RAB40A: variants seen among roughly 807,000 people sequenced by gnomAD.
The protein encoded by RAB40A is ras-related protein Rab-40A.
For missense variants in RAB40A, 145 were observed against 230.2 expected (o/e 0.63, Z 2.40); for synonymous variants, 65 against 99.9 (o/e 0.65, Z 2.08).
chrX:103,513,895 A>AAC (rs59511853), intron 2 of RAB40A, among the ~76,000 whole-genome samples: 6,885 of 106,775 alleles, frequency 0.064, 548 homozygotes, highest in African/African-American at 0.21. Context: ...GTCTCAAGAA[A>AAC]ACACACACAC....
rs2073211530 is a variant in RAB40A at position 103,499,850 on chromosome X, C to T, written c.*73G>A. 2 of 1,135,861 alleles carry T rather than the reference C, an allele frequency of 1.8e-6. No homozygotes were observed. Among genetic ancestry groups the T allele is most frequent in the Non-Finnish European group, 2.4e-6 (2 of 826,680 alleles). 93.6% of individuals were successfully genotyped at this position (1,135,861 alleles called of 1,213,427 possible). A position where few individuals can be genotyped will look rare whatever the true frequency, so the allele number is the denominator to read the frequency against. ...AAACTAATTTCTTGAATCTACAATG[C>T]GACTTCCATCTTCCAGGTGTAACCA... On this transcript the variant is annotated 3_prime_UTR_variant, in exon 3 of 3. Coordinates refer to ENST00000304236, the MANE Select transcript of RAB40A (RefSeq NM_080879.3).
rs2073209597 is a variant in RAB40A at position 103,499,582 on chromosome X, A to G, written c.*341T>C. The G allele has an allele frequency of 3.2e-6, 1 of 313,122 alleles. No homozygotes were observed. The highest frequency in any genetic ancestry group is 5.7e-6 in the Non-Finnish European group (1 of 175,395). The allele number at this position is 313,122 out of a possible 1,213,427, so 25.8% of individuals were successfully genotyped here. ...TTATACTCATCATTGCCATATCACC[A>G]TTCTAACAAAGGCGGTTATTTTAAG... On this transcript the variant is annotated 3_prime_UTR_variant, in exon 3 of 3. Coordinates refer to ENST00000304236, the MANE Select transcript of RAB40A (RefSeq NM_080879.3).
intron 2 of RAB40A, among the ~76,000 whole-genome samples, chrX:103,515,463 A>G (rs1603136944): frequency 8.9e-6 from 1 of 112,253 alleles, no homozygotes; most frequent in East Asian, 2.8e-4. Flanking sequence ...TTCATGTTTA[A>G]GTCTTTTGAG....
downstream of RAB40A, among the ~76,000 whole-genome samples, chrX:103,495,653 G>T (rs1257631174): frequency 1.8e-5 from 2 of 111,991 alleles, no homozygotes; most frequent in South Asian, 7.5e-4. Context: ...CAAAATCTGT[G>T]TTGCAGCATA....
At chrX:103,504,964 A>G (rs1027109278) in intron 2 of RAB40A, among the ~76,000 whole-genome samples, 1 of 112,548 alleles carries the variant, frequency 8.9e-6, no homozygotes. Context: ...ATTTACTAGT[A>G]AAAAAGGGAA....
intron 2 of RAB40A, among the ~76,000 whole-genome samples, chrX:103,511,790 A>T (rs2073291779): frequency 9.0e-6 from 1 of 111,640 alleles, no homozygotes; most frequent in South Asian, 3.8e-4. Flanking sequence ...GTACATGTAT[A>T]TGTAACAAAT....
At chrX:103,495,559 G>C (rs1362560948), downstream of RAB40A, among the ~76,000 whole-genome samples, 1 of 111,395 alleles carries the variant, frequency 9.0e-6, no homozygotes, top group Non-Finnish European at 1.9e-5. Flanking sequence ...CTGTGGATTT[G>C]CTTGTTTTTG....
intron 2 of RAB40A, chrX:103,503,438 G>A: frequency 4.0e-6 from 3 of 752,534 alleles, no homozygotes; most frequent in Non-Finnish European, 4.7e-6. Flanking sequence ...AACGTATACT[G>A]AGGAGGGAAG....
At chrX:103,495,423 G>C, downstream of RAB40A, among the ~76,000 whole-genome samples, 1 of 110,954 alleles carries the variant, frequency 9.0e-6, no homozygotes, top group Non-Finnish European at 1.9e-5. Flanking sequence ...TCTGATTGCT[G>C]TAGCTGGGAC....
In RAB40A at chrX:103,500,631, C is replaced by T. The variant is rs748229696; in HGVS notation, c.126G>A (p.Pro42=). The change falls in exon 3 of 3, where the codon CCG becomes CCA. Residue 42 remains proline, a synonymous_variant. Coordinates refer to ENST00000304236, the MANE Select transcript of RAB40A (RefSeq NM_080879.3). ...ESLQDGAAES[P]YSHLGGIDYK... ...AGTCGATCCCCCCGAGATGGCTGTA[C>T]GGGGACTCAGCTGCACCATCCTGCA... 33 of 1,208,370 alleles carry T rather than the reference C, an allele frequency of 2.7e-5. No individual in the cohort carries two copies. In the East Asian group the frequency reaches 5.0e-4, roughly 18 times the overall value.
At chrX:103,495,665 A>G (rs2073165287), downstream of RAB40A, among the ~76,000 whole-genome samples, 2 of 112,291 alleles carry the variant, frequency 1.8e-5, no homozygotes, top group Non-Finnish European at 3.8e-5. Flanking sequence ...TGCAGCATAT[A>G]TCAGTTCCTC....
At chrX:103,504,882 TAAAG>T (rs1386436553) in intron 2 of RAB40A, among the ~76,000 whole-genome samples, 3 of 112,348 alleles carry the variant, frequency 2.7e-5, no homozygotes, top group African/African-American at 6.5e-5. Context: ...TATTTAATCT[TAAAG>T]AAGGGGAAAT....
intron 2 of RAB40A, among the ~76,000 whole-genome samples, chrX:103,504,608 G>A (rs1320422385): frequency 9.0e-6 from 1 of 111,363 alleles, no homozygotes. Flanking sequence ...TGCAACCTCC[G>A]CCTCCCAGGT....
rs977502876 is a variant in RAB40A, at chrX:103,517,539, A to G, written c.-222-14T>C. 1 of 112,172 alleles carries G rather than the reference A, an allele frequency of 8.9e-6. No homozygotes were observed. The highest frequency in any genetic ancestry group is 3.2e-5 in the African/African-American group (1 of 30,857). The allele number at this position is 112,172 out of a possible 1,213,427, so 9.2% of individuals were successfully genotyped here. On this transcript the variant is annotated splice_polypyrimidine_tract_variant and intron_variant, in intron 1 of 2. Transcript: ENST00000304236. ...ACCCACGTCACACTAGAAAGAAAATAAGAGAGCAGAGAGTACATGGAATCA... is the reference window on the plus strand; with the variant it reads ...ACCCACGTCACACTAGAAAGAAAATGAGAGAGCAGAGAGTACATGGAATCA...
downstream of RAB40A, among the ~76,000 whole-genome samples, chrX:103,497,092 G>T (rs1224085205): frequency 9.0e-6 from 1 of 111,532 alleles, no homozygotes; most frequent in Non-Finnish European, 1.9e-5. Context: ...TGCAATGGGA[G>T]AATATATGTA....
intron 2 of RAB40A, among the ~76,000 whole-genome samples, chrX:103,504,409 A>G (rs936687060): frequency 1.8e-5 from 2 of 112,247 alleles, no homozygotes; most frequent in African/African-American, 3.2e-5. Flanking sequence ...TTTGGAAGAC[A>G]GCAACATTTT....
Position 103,500,108 on chromosome X carries a change from T to C in RAB40A, c.649A>G (p.Thr217Ala), listed in dbSNP as rs201466501. The C allele has an allele frequency of 5.8e-4, 707 of 1,209,320 alleles. 1 individual carries two copies. The highest frequency in any genetic ancestry group is 4.4e-3 in the Middle Eastern group (19 of 4,342). The change falls in exon 3 of 3, where the codon ACC (threonine) becomes GCC (alanine). Residue 217 changes from threonine to alanine, a missense_variant. Thr to Ala is a moderately conservative substitution (Grantham distance 58). Coordinates refer to ENST00000304236, the MANE Select transcript of RAB40A (RefSeq NM_080879.3). ...HLVDKLPLPS[T>A]LRSHLKSFSM... ...AAGGACTTGAGGTGGCTTCTTAAGG[T>C]ACTGGGGAGCGGGAGCTTGTCCACC...
At chrX:103,515,286 A>G (rs959207688) in intron 2 of RAB40A, among the ~76,000 whole-genome samples, 1 of 112,503 alleles carries the variant, frequency 8.9e-6, no homozygotes, top group Non-Finnish European at 1.9e-5. Context: ...GTAAAAAGGA[A>G]TAGAAGAACA....
chrX:103,513,771 G>A (rs531621068), intron 2 of RAB40A, among the ~76,000 whole-genome samples: 1 of 110,492 alleles, frequency 9.1e-6, no homozygotes, highest in African/African-American at 3.3e-5. Context: ...TTGGGAGGCT[G>A]AAGTGAGAGA....
Sources: gnomAD v4.1 joint callset for allele counts (sites outside exome capture counted in the v4.1 genomes callset) on GRCh38, gnomAD v4.1.1 for gene constraint, MANE v1.5 for transcripts, NCBI Gene and HGNC (gene_info 2026-07-23, HGNC 2026-07-21) for gene names.